Variants in KYNU observed in about 807,000 individuals in gnomAD.
The protein encoded by KYNU is kynureninase.
In KYNU, 54 loss-of-function variants were observed where a neutral mutation model predicts 59.2. The observed-to-expected ratio is 0.91, with a 90% confidence interval of 0.73 to 1.14. The LOEUF (loss-of-function observed/expected upper bound fraction) is 1.14, where lower values mean the gene tolerates loss of function less well. Among genes scored for constraint, KYNU ranks in the 50% most tolerant of loss-of-function variants. The pLI is 0.00. For synonymous variants in KYNU, 177 were observed against 192.0 expected (o/e 0.92, Z 0.65); for missense variants, 567 against 554.4 (o/e 1.02, Z -0.23).
intron 3 of KYNU, among the ~76,000 whole-genome samples, chr2:142,925,970 AGGT>A (rs1420047530): frequency 2.0e-5 from 3 of 152,216 alleles, no homozygotes; most frequent in African/African-American, 7.2e-5. Context: ...TGAGTAACAA[AGGT>A]CTTTCTGGAG....
chr2:142,910,701 T>A (rs891865095), intron 2 of KYNU, among the ~76,000 whole-genome samples: 1 of 152,192 alleles, frequency 6.6e-6, no homozygotes, highest in Admixed American at 6.5e-5. Context: ...AATTTTATAA[T>A]TTTAGGTCTT....
chr2:142,920,752 T>A (rs1275618850), intron 3 of KYNU, among the ~76,000 whole-genome samples: 2 of 152,206 alleles, frequency 1.3e-5, no homozygotes, highest in East Asian at 3.8e-4. Context: ...GGACATCTAT[T>A]CCATCCTCGC....
intron 10 of KYNU, among the ~76,000 whole-genome samples, chr2:142,995,787 C>G (rs544014701): frequency 6.6e-6 from 1 of 152,068 alleles, no homozygotes; most frequent in Non-Finnish European, 1.5e-5. Flanking sequence ...TTTGTTTTTC[C>G]TACCGCTATG....
chr2:142,960,793 C>G, intron 8 of KYNU, 23 bp downstream of exon 8: 1 of 1,611,932 alleles, frequency 6.2e-7, no homozygotes, highest in South Asian at 1.1e-5. Flanking sequence ...TTTACTTCTT[C>G]CCACCTTACT....
intron 2 of KYNU, among the ~76,000 whole-genome samples, chr2:142,913,227 C>T (rs747129947): frequency 6.6e-6 from 1 of 152,104 alleles, no homozygotes; most frequent in Non-Finnish European, 1.5e-5. Context: ...ATTTATTCTA[C>T]TAGCATTGGG....
At chr2:143,002,486 C>T (rs75274910) in intron 10 of KYNU, among the ~76,000 whole-genome samples, 4,140 of 152,210 alleles carry the variant, frequency 0.027, 179 homozygotes, top group African/African-American at 0.093. Context: ...ACTGTTTGAA[C>T]GCTAGGTCTT....
chr2:143,016,073 T>G (rs1452794014), intron 10 of KYNU, among the ~76,000 whole-genome samples: 1 of 152,256 alleles, frequency 6.6e-6, no homozygotes, highest in Non-Finnish European at 1.5e-5. Context: ...TTCTAGAATA[T>G]AGTTTTCTCT....
At position 142,885,418 on chromosome 2, in the gene KYNU, G is replaced by A. The variant is rs1361628025; in HGVS notation, c.51G>A (p.Ala17=). 74 of 1,613,950 alleles carry A rather than the reference G, an allele frequency of 4.6e-5. No homozygotes were observed. The highest frequency in any genetic ancestry group is 6.1e-5 in the Non-Finnish European group (72 of 1,179,948). The change falls in exon 2 of 14, where the codon GCG becomes GCA. Residue 17 remains alanine (A), a synonymous_variant. Coordinates refer to ENST00000264170, the MANE Select transcript of KYNU (RefSeq NM_003937.3). ...ELPADTVQRI[A]AELKCHPTDE... ...CGGCTGACACAGTGCAGCGCATTGC[G>A]GCTGAACTCAAATGCCACCCAACGG...
At chr2:142,994,879 G>A (rs1403229742) in intron 10 of KYNU, among the ~76,000 whole-genome samples, 2 of 151,948 alleles carry the variant, frequency 1.3e-5, no homozygotes, top group Non-Finnish European at 1.5e-5. Context: ...ATTCTGAAGC[G>A]GGTATGATTT....
rs368538887 is a variant in KYNU at position 142,943,786 on chromosome 2, C to G, written c.374-11024C>G. On this transcript the variant is annotated intron_variant, in intron 4 of 13. Coordinates refer to ENST00000264170, the MANE Select transcript of KYNU (RefSeq NM_003937.3). ...ACAGCTGCAGACCCTCAGTCATGTA[C>G]CAGCCACCTCTAAAGGCTGCTGAAA... 2.0e-5 allele frequency among the ~76,000 whole-genome samples: 3 copies of G among 152,272 alleles called. No homozygotes were observed. In the South Asian group the frequency reaches 6.2e-4, roughly 32 times the overall value.
chr2:142,908,888 C>G (rs1381934642), intron 2 of KYNU, among the ~76,000 whole-genome samples: 1 of 152,142 alleles, frequency 6.6e-6, no homozygotes, highest in Admixed American at 6.6e-5. Context: ...CCCACCTCAG[C>G]CTCCCAAAGT....
rs373394354 is a variant in KYNU, at chr2:142,889,210, A to T, written c.169+3674A>T. ...GTTAGCAAGAGAAAAACCCAGGGAA[A>T]ACTTGAGATTTTATGCTAAGTTGAA... On this transcript the variant is annotated intron_variant, in intron 2 of 13. Coordinates refer to ENST00000264170, the MANE Select transcript of KYNU (RefSeq NM_003937.3). 2.0e-5 allele frequency among the ~76,000 whole-genome samples: 3 copies of T among 152,298 alleles called. No individual in the cohort carries two copies. The East Asian group carries it at 5.8e-4, about 29-fold the overall frequency.
chr2:142,879,846 T>C lies in KYNU; in HGVS notation c.-20+2110T>C, dbSNP rs75304930. 4.9e-3 allele frequency among the ~76,000 whole-genome samples: 747 copies of C among 152,332 alleles called. 25 individuals are homozygous for C. In the East Asian group the frequency reaches 0.094, roughly 19 times the overall value. The stretch of plus-strand genomic sequence containing the variant: ...AGTATCATTTTTAAAATAAGGAAAG[T>C]TGAATTTTATTCAGAATCTGTTGGT... On this transcript the variant is annotated intron_variant, in intron 1 of 13. Coordinates refer to ENST00000264170, the MANE Select transcript of KYNU (RefSeq NM_003937.3).
At chr2:143,023,181 T>G (rs1448088131) in intron 10 of KYNU, among the ~76,000 whole-genome samples, 1 of 151,932 alleles carries the variant, frequency 6.6e-6, no homozygotes, top group African/African-American at 2.4e-5. Flanking sequence ...AAATCATTCT[T>G]ATAAAGGAAA....
rs929540601 is a variant in KYNU, at chr2:143,043,839, T to C, written c.*1667T>C. Reference sequence around the variant, plus strand: ...AAGTATAATATATATAAAGTATAAATATATATATATTTATACTTTAAGTTC... The same window carrying C: ...AAGTATAATATATATAAAGTATAAACATATATATATTTATACTTTAAGTTC... On this transcript the variant is annotated 3_prime_UTR_variant, in exon 14 of 14. Coordinates refer to ENST00000264170, the MANE Select transcript of KYNU (RefSeq NM_003937.3). 1.4e-5 allele frequency: 2 copies of C among 147,456 alleles called. No individual in the cohort carries two copies. Among genetic ancestry groups the C allele is most frequent in the Non-Finnish European group, 3.0e-5 (2 of 67,146 alleles). 9.1% of individuals were successfully genotyped at this position (147,456 alleles called of 1,614,324 possible).
In KYNU at chr2:142,963,665, G is replaced by A. The variant is rs1430079538; in HGVS notation, c.729+2895G>A. Among the ~76,000 whole-genome samples the A allele has an allele frequency of 3.9e-5, 6 of 152,016 alleles. No individual in the cohort carries two copies. The East Asian group carries it at 1.2e-3, about 29-fold the overall frequency. On this transcript the variant is annotated intron_variant, in intron 8 of 13. Transcript: ENST00000264170. The stretch of plus-strand genomic sequence containing the variant: ...TGTGACATATAAAATTGGGGTCTGG[G>A]GAGACCAACATTTAGACCGTAGCAT...
intron 2 of KYNU, among the ~76,000 whole-genome samples, chr2:142,908,514 T>G (rs1454889612): frequency 6.6e-6 from 1 of 151,856 alleles, no homozygotes; most frequent in Non-Finnish European, 1.5e-5. Context: ...AAAAAAAATA[T>G]GCCTATATTA....
At chr2:142,901,745 G>A (rs947876026) in intron 2 of KYNU, among the ~76,000 whole-genome samples, 4 of 151,962 alleles carry the variant, frequency 2.6e-5, no homozygotes, top group Admixed American at 1.3e-4. Context: ...TCTGCCAGCC[G>A]AGAGCTAGTT....
intron 10 of KYNU, among the ~76,000 whole-genome samples, chr2:142,987,832 G>T (rs911691584): frequency 6.6e-6 from 1 of 151,832 alleles, no homozygotes; most frequent in Non-Finnish European, 1.5e-5. Context: ...TGGGACAATG[G>T]GGCCTTTCCC....
Sources: gnomAD v4.1 joint callset for allele counts (sites outside exome capture counted in the v4.1 genomes callset) on GRCh38, gnomAD v4.1.1 for gene constraint, MANE v1.5 for transcripts, NCBI Gene and HGNC (gene_info 2026-07-23, HGNC 2026-07-21) for gene names.